Variants in FABP6 observed in about 807,000 individuals in gnomAD.
FABP6 encodes gastrotropin.
In FABP6, 13 loss-of-function variants were observed where a neutral mutation model predicts 14.9. That is an observed-to-expected ratio of 0.87 (90% CI 0.57 to 1.39). FABP6 has a LOEUF of 1.39. Ranked by LOEUF, FABP6 falls within the 40% of genes most tolerant of loss-of-function variation. FABP6 has a pLI of 0.00. For missense variants in FABP6, 161 were observed against 167.2 expected (o/e 0.96, Z 0.20); for synonymous variants, 75 against 63.6 (o/e 1.18, Z -0.85).
chr5:160,217,906 G>C (rs991008827), intron 3 of FABP6, among the ~76,000 whole-genome samples: 1 of 152,160 alleles, frequency 6.6e-6, no homozygotes, highest in Non-Finnish European at 1.5e-5. Context: ...GGCTCCCAAA[G>C]AGGAGGGATT....
upstream of FABP6, among the ~76,000 whole-genome samples, chr5:160,226,929 G>C (rs1408412773): frequency 6.6e-6 from 1 of 152,164 alleles, no homozygotes; most frequent in Non-Finnish European, 1.5e-5. Context: ...TTTGTTCCAG[G>C]AATTTCATGT....
intron 1 of FABP6, among the ~76,000 whole-genome samples, chr5:160,190,215 T>C (rs1049218120): frequency 1.3e-5 from 2 of 152,194 alleles, no homozygotes; most frequent in African/African-American, 4.8e-5. Context: ...TATGTGCAAC[T>C]GTCATCGTGT....
Position 160,201,408 on chromosome 5 carries a change from G to T in FABP6, c.51+2251G>T, listed in dbSNP as rs189661671. Among the ~76,000 whole-genome samples, 1,463 of 151,642 alleles carry T rather than the reference G, an allele frequency of 9.6e-3. 17 individuals carry two copies. The highest frequency in any genetic ancestry group is 0.033 in the African/African-American group (1,342 of 41,132). On this transcript the variant is annotated intron_variant, in intron 2 of 6. Transcript: ENST00000393980. ...ACTAGTGGTTTCGTTTGCCTAGGGT[G>T]GGGGGGTAGGGTGGAAGGGGATGGG...
At chr5:160,214,411 C>A (rs942190475) in intron 3 of FABP6, among the ~76,000 whole-genome samples, 3 of 151,936 alleles carry the variant, frequency 2.0e-5, no homozygotes, top group African/African-American at 7.2e-5. Flanking sequence ...GCAGTCCTCT[C>A]ACCTCAGCCT....
chr5:160,210,813 G>A (rs1759872008), intron 2 of FABP6, among the ~76,000 whole-genome samples: 1 of 152,172 alleles, frequency 6.6e-6, no homozygotes, highest in South Asian at 2.1e-4. Context: ...AAATTACAAC[G>A]AGTGTCCTGC....
intron 2 of FABP6, among the ~76,000 whole-genome samples, chr5:160,203,949 C>T (rs561028577): frequency 1.2e-3 from 186 of 152,184 alleles, no homozygotes; most frequent in Non-Finnish European, 2.0e-3. Context: ...GATCTGCCCA[C>T]CTTGGCCTCC....
intron 2 of FABP6, among the ~76,000 whole-genome samples, chr5:160,203,565 G>A (rs1759692349): frequency 6.6e-6 from 1 of 152,032 alleles, no homozygotes; most frequent in South Asian, 2.1e-4. Flanking sequence ...GTCTTGCAAT[G>A]TTGCCCAGAC....
In FABP6 at chr5:160,231,444, A is replaced by G. The variant is rs533144697; in HGVS notation, c.68-654A>G. Among the ~76,000 whole-genome samples, 251 of 152,306 alleles carry G rather than the reference A, an allele frequency of 1.6e-3. 1 individual carries two copies. The highest frequency in any genetic ancestry group is 2.6e-3 in the Non-Finnish European group (177 of 68,022). ...AGTCCTGCTCTGTAGCCCAGGCGGAACTGCAGTGGCGCGATCCCAGCTCAC... is the reference window on the plus strand; with the variant it reads ...AGTCCTGCTCTGTAGCCCAGGCGGAGCTGCAGTGGCGCGATCCCAGCTCAC... On this transcript the variant is annotated intron_variant, in intron 1 of 3. Transcript: ENST00000402432.
chr5:160,195,445 CT>C (rs1314613784), intron 1 of FABP6, among the ~76,000 whole-genome samples: 2 of 152,080 alleles, frequency 1.3e-5, no homozygotes, highest in Non-Finnish European at 2.9e-5. Context: ...AAGCCTCAAA[CT>C]TTTTTTCTGT....
At chr5:160,225,103 T>G (rs1447298039), upstream of FABP6, among the ~76,000 whole-genome samples, 8 of 151,810 alleles carry the variant, frequency 5.3e-5, no homozygotes, top group African/African-American at 7.2e-5. Context: ...GTTTTTTTTT[T>G]TTGTTTTTTT....
chr5:160,207,627 T>TTA (rs1759795379), intron 2 of FABP6, among the ~76,000 whole-genome samples: 1 of 152,230 alleles, frequency 6.6e-6, no homozygotes, highest in Non-Finnish European at 1.5e-5. Flanking sequence ...GTATGTATAT[T>TTA]TATATGTGTA....
At position 160,216,578 on chromosome 5, in the gene FABP6, G is replaced by A. The variant is rs371602912; in HGVS notation, c.135+2759G>A. 2.2e-4 allele frequency among the ~76,000 whole-genome samples: 33 copies of A among 152,192 alleles called. No individual in the cohort carries two copies. The South Asian group carries it at 6.9e-3, about 32-fold the overall frequency. Reference sequence around the variant, plus strand: ...CCACCGTGCCTGCCTGGCCCTCATTGTAACTTAACAGACTGGCATTCCACT... The same window carrying A: ...CCACCGTGCCTGCCTGGCCCTCATTATAACTTAACAGACTGGCATTCCACT... On this transcript the variant is annotated intron_variant, in intron 3 of 6. Coordinates refer to the FABP6 transcript ENST00000393980.
At chr5:160,225,316 C>T (rs770199853), upstream of FABP6, among the ~76,000 whole-genome samples, 31 of 151,602 alleles carry the variant, frequency 2.0e-4, no homozygotes, top group Non-Finnish European at 1.3e-4. Context: ...AGGCTGGTCT[C>T]GAACTCCTAG....
At chr5:160,208,380 G>GCATTCCAC (rs1759813506) in intron 2 of FABP6, among the ~76,000 whole-genome samples, 2 of 152,072 alleles carry the variant, frequency 1.3e-5, no homozygotes, top group Admixed American at 1.3e-4. Flanking sequence ...TGAGGCTGTT[G>GCATTCCAC]TGAGCTAAAA....
intron 3 of FABP6, among the ~76,000 whole-genome samples, chr5:160,216,474 G>A (rs981139537): frequency 4.6e-5 from 7 of 151,896 alleles, no homozygotes; most frequent in Admixed American, 1.3e-4. Flanking sequence ...CACCATGTTG[G>A]CCAGGTTGGT....
intron 1 of FABP6, among the ~76,000 whole-genome samples, chr5:160,193,006 G>C (rs1759428750): frequency 6.6e-6 from 1 of 152,236 alleles, no homozygotes; most frequent in African/African-American, 2.4e-5. Context: ...AACTACTTGG[G>C]AAGCTGAGGC....
At chr5:160,224,152 C>T (rs889514796) in intron 3 of FABP6, among the ~76,000 whole-genome samples, 1 of 152,000 alleles carries the variant, frequency 6.6e-6, no homozygotes, top group South Asian at 2.1e-4. Context: ...AGGAGAATGG[C>T]GTGAACCCAG....
chr5:160,220,856 G>T (rs540794775), intron 3 of FABP6, among the ~76,000 whole-genome samples: 2 of 151,992 alleles, frequency 1.3e-5, no homozygotes, highest in African/African-American at 4.8e-5. Context: ...GGGAGGCTGA[G>T]GTGGGTGGAT....
intron 3 of FABP6, among the ~76,000 whole-genome samples, chr5:160,217,731 C>T (rs72643446): frequency 0.071 from 10,747 of 152,160 alleles, 630 homozygotes; most frequent in East Asian, 0.36. Context: ...TCCACTCCTA[C>T]GCTCAAGTGA....
Sources: gnomAD v4.1 joint callset for allele counts (sites outside exome capture counted in the v4.1 genomes callset) on GRCh38, gnomAD v4.1.1 for gene constraint, MANE v1.5 for transcripts, NCBI Gene and HGNC (gene_info 2026-07-23, HGNC 2026-07-21) for gene names.